The following HAVCR1 variants were observed in gnomAD, a reference collection of about 807,000 sequenced individuals.
HAVCR1 encodes T cell immunoglobin domain and mucin domain protein 1.
HAVCR1 carries 34 observed loss-of-function variants against 32.0 expected under a neutral mutation model. The ratio of observed to expected loss-of-function variants is 1.06; its 90% CI spans 0.81 to 1.42. HAVCR1 has a LOEUF of 1.42. HAVCR1 is among the 40% of genes most tolerant of loss of function. The pLI is 0.00. For missense variants in HAVCR1, 420 were observed against 442.3 expected (o/e 0.95, Z 0.45); for synonymous variants, 178 against 170.3 (o/e 1.05, Z -0.35).
chr5:157,035,795 A>T lies in HAVCR1; in HGVS notation c.952+1452T>A, dbSNP rs79021452. ...TTCAACCACTCGCAAATTGAAAATTAAAAAAAAAATAAAAATAATACACAA... is the reference window on the plus strand; with the variant it reads ...TTCAACCACTCGCAAATTGAAAATTTAAAAAAAAATAAAAATAATACACAA... On this transcript the variant is annotated intron_variant, in intron 7 of 8. Coordinates refer to ENST00000523175, the MANE Select transcript of HAVCR1 (RefSeq NM_001173393.3). Among the ~76,000 whole-genome samples, 5 of 148,092 alleles carry T rather than the reference A, an allele frequency of 3.4e-5. No individual in the cohort carries two copies. In the East Asian group the frequency reaches 5.8e-4, roughly 17 times the overall value.
At chr5:157,066,809 G>A in the HAVCR1 span, among the ~76,000 whole-genome samples, 15 of 152,158 alleles carry the variant, frequency 9.9e-5, no homozygotes, top group Non-Finnish European at 1.9e-4. Context: ...AGTAAGGGCC[G>A]GGCACGGTGG....
At chr5:157,068,815 C>T in the HAVCR1 span, among the ~76,000 whole-genome samples, 775 of 152,170 alleles carry the variant, frequency 5.1e-3, 7 homozygotes, top group African/African-American at 0.017. Context: ...CTCACTATGT[C>T]GCCTAGGCTG....
intron 7 of HAVCR1, among the ~76,000 whole-genome samples, chr5:157,036,078 C>A (rs1269836829): frequency 6.6e-6 from 1 of 152,212 alleles, no homozygotes; most frequent in African/African-American, 2.4e-5. Context: ...CATTGTGGCT[C>A]ATGCCTGTAA....
upstream of HAVCR1, among the ~76,000 whole-genome samples, chr5:157,061,045 G>A (rs955621901): frequency 3.5e-4 from 53 of 152,032 alleles, no homozygotes; most frequent in African/African-American, 1.2e-3. Context: ...CTACAGACAC[G>A]CGCCACCATG....
At chr5:157,030,682 G>C (rs902970411) in intron 8 of HAVCR1, among the ~76,000 whole-genome samples, 3 of 152,206 alleles carry the variant, frequency 2.0e-5, no homozygotes, top group African/African-American at 4.8e-5. Flanking sequence ...GGAAATACAA[G>C]TGAGGGAAGA....
upstream of HAVCR1, among the ~76,000 whole-genome samples, chr5:157,062,807 C>T (rs1756516509): frequency 6.6e-6 from 1 of 151,522 alleles, no homozygotes; most frequent in Non-Finnish European, 1.5e-5. Flanking sequence ...TACAGGGTAC[C>T]ACCTATGTTT....
the HAVCR1 span, among the ~76,000 whole-genome samples, chr5:157,065,547 C>T: frequency 3.5e-3 from 534 of 152,224 alleles, 2 homozygotes; most frequent in African/African-American, 0.012. Flanking sequence ...GGTGAAACAC[C>T]ATCTCTACAT....
intron 5 of HAVCR1, among the ~76,000 whole-genome samples, chr5:157,044,597 AAGAAAGAAAGAAAGAAAG>A (rs1462872039): frequency 5.8e-4 from 48 of 83,394 alleles, no homozygotes; most frequent in Middle Eastern, 4.6e-3. Flanking sequence ...GAAAGAAAGA[AAGAAAGAAAGAAAGAAAG>A]AGAAAGAAAG....
intron 6 of HAVCR1, among the ~76,000 whole-genome samples, chr5:157,040,815 A>C (rs1049441757): frequency 3.9e-5 from 6 of 152,108 alleles, no homozygotes; most frequent in African/African-American, 1.4e-4. Context: ...CACAAGAATC[A>C]CTTGAACCCG....
chr5:157,048,858 C>T (rs1203453351), intron 5 of HAVCR1, among the ~76,000 whole-genome samples, 180 bp downstream of exon 5: 1 of 151,952 alleles, frequency 6.6e-6, no homozygotes, highest in Non-Finnish European at 1.5e-5. Context: ...CACACACACA[C>T]ACACACACCA....
rs1553317 is a variant in HAVCR1, at chr5:157,052,413, A to G, written c.621T>C (p.Thr207=). The G allele has an allele frequency of 6.2e-7, 1 of 1,614,050 alleles. No individual in the cohort carries two copies. The highest frequency in any genetic ancestry group is 8.5e-7 in the Non-Finnish European group (1 of 1,179,940). The part of the protein sequence containing the change: ...PTTTSVPVTT[T]VSTFVPPMPL... ...GCATTGGAGGAACAAAGGTAGAGAC[A>G]GTTGTTGTCACTGGAACACTTGTTG... Residue 207 remains threonine, a synonymous_variant, in exon 4 of 9, where the codon ACT becomes ACC. Transcript: ENST00000523175.
chr5:157,060,110 C>T (rs1015258941), upstream of HAVCR1, among the ~76,000 whole-genome samples: 3 of 151,994 alleles, frequency 2.0e-5, no homozygotes, highest in African/African-American at 7.3e-5. Context: ...CGGGCAGGGA[C>T]ATGGGTAAGT....
chr5:157,040,512 G>C (rs930968003), intron 6 of HAVCR1, among the ~76,000 whole-genome samples: 1 of 152,124 alleles, frequency 6.6e-6, no homozygotes, highest in East Asian at 1.9e-4. Flanking sequence ...TGTCACTAAG[G>C]TATTTGGCTC....
intron 5 of HAVCR1, among the ~76,000 whole-genome samples, chr5:157,043,881 A>G (rs2113548614): frequency 6.6e-6 from 1 of 152,348 alleles, no homozygotes; most frequent in Non-Finnish European, 1.5e-5. Flanking sequence ...AACCTACACA[A>G]CACATTGCAC....
chr5:157,058,013 A>G (rs888073780), intron 1 of HAVCR1, 58 bp from the exon 2 acceptor site: 28 of 1,196,424 alleles, frequency 2.3e-5, no homozygotes, highest in Non-Finnish European at 3.3e-5. Context: ...GTATCTGATC[A>G]AGTCTTAAAT....
chr5:157,058,835 C>T (rs1561607875), intron 1 of HAVCR1, 86 bp downstream of exon 1: 1 of 152,202 alleles, frequency 6.6e-6, no homozygotes, highest in South Asian at 2.1e-4. Flanking sequence ...CTTTCATGCT[C>T]CTGTACAACA....
At position 157,044,368 on chromosome 5, in the gene HAVCR1, CGAAGGAAGGAAGGAAG is replaced by C. The variant is rs573183336; in HGVS notation, c.782-1702_782-1687del. On this transcript the variant is annotated intron_variant, in intron 5 of 8. Coordinates refer to ENST00000523175, the MANE Select transcript of HAVCR1 (RefSeq NM_001173393.3). The stretch of plus-strand genomic sequence containing the variant: ...GGGAAGGGAAGGGAGAAAGAAAGGA[CGAAGGAAGGAAGGAAG>C]GAAGGAAGGAAGGAAGGAAGGAAGG... Among the ~76,000 whole-genome samples, 198 of 31,318 alleles carry C rather than the reference CGAAGGAAGGAAGGAAG, an allele frequency of 6.3e-3. 15 individuals are homozygous for C. The highest frequency in any genetic ancestry group is 0.023 in the African/African-American group (193 of 8,418). The allele number at this position is 31,318 out of a possible 152,430, so 20.5% of individuals were successfully genotyped here. A position where few individuals can be genotyped will look rare whatever the true frequency, so the allele number is the denominator to read the frequency against.
At chr5:157,030,395 G>A (rs1339987147) in intron 8 of HAVCR1, among the ~76,000 whole-genome samples, 2 of 152,236 alleles carry the variant, frequency 1.3e-5, no homozygotes, top group East Asian at 1.9e-4. Flanking sequence ...GCTGGATGCA[G>A]TAGCTCATGC....
chr5:157,038,971 T>C (rs1754704669), intron 6 of HAVCR1, among the ~76,000 whole-genome samples: 1 of 151,952 alleles, frequency 6.6e-6, no homozygotes, highest in Admixed American at 6.6e-5. Flanking sequence ...AAAATAAAAC[T>C]GGCCAGGCGT....
Sources: gnomAD v4.1 joint callset for allele counts (sites outside exome capture counted in the v4.1 genomes callset) on GRCh38, gnomAD v4.1.1 for gene constraint, MANE v1.5 for transcripts, NCBI Gene and HGNC (gene_info 2026-07-23, HGNC 2026-07-21) for gene names.